The following GALNTL6 variants were observed in gnomAD, a reference collection of about 807,000 sequenced individuals.
GALNTL6 encodes polypeptide N-acetylgalactosaminyltransferase-like 6.
In GALNTL6, 46 loss-of-function variants were observed where a neutral mutation model predicts 73.7. The ratio of observed to expected loss-of-function variants is 0.62; its 90% CI spans 0.49 to 0.80. The LOEUF (loss-of-function observed/expected upper bound fraction) is 0.80. Among genes scored for constraint, GALNTL6 ranks in the 30% least tolerant of loss-of-function variants. The pLI is 0.00. For synonymous variants in GALNTL6, 259 were observed against 263.7 expected (o/e 0.98, Z 0.17); for missense variants, 604 against 755.0 (o/e 0.80, Z 2.34).
chr4:172,857,897 G>A (rs1392294647), intron 7 of GALNTL6, among the ~76,000 whole-genome samples: 1 of 152,144 alleles, frequency 6.6e-6, no homozygotes, highest in Non-Finnish European at 1.5e-5. Flanking sequence ...AGTGTAACTG[G>A]AGACTAATCC....
At chr4:172,899,421 A>G (rs1746504724) in intron 8 of GALNTL6, among the ~76,000 whole-genome samples, 1 of 152,174 alleles carries the variant, frequency 6.6e-6, no homozygotes, top group Non-Finnish European at 1.5e-5. Flanking sequence ...AGGCACTTTT[A>G]AGACCTTTTT....
chr4:172,938,576 A>G (rs1405822620), intron 9 of GALNTL6, among the ~76,000 whole-genome samples: 1 of 152,050 alleles, frequency 6.6e-6, no homozygotes, highest in African/African-American at 2.4e-5. Context: ...GGAAATCTAT[A>G]CTCCCTCAAA....
At chr4:172,374,169 A>T (rs1439163270) in intron 5 of GALNTL6, among the ~76,000 whole-genome samples, 2 of 152,204 alleles carry the variant, frequency 1.3e-5, no homozygotes, top group Admixed American at 1.3e-4. Context: ...TGTAAACCAC[A>T]CTGATAACAA....
chr4:172,602,346 A>G (rs1463993504), intron 5 of GALNTL6, among the ~76,000 whole-genome samples: 1 of 152,136 alleles, frequency 6.6e-6, no homozygotes, highest in Non-Finnish European at 1.5e-5. Flanking sequence ...TCTGTAAAAC[A>G]AAACTTTAAA....
At chr4:172,397,482 C>G (rs1053289738) in intron 5 of GALNTL6, among the ~76,000 whole-genome samples, 11 of 152,102 alleles carry the variant, frequency 7.2e-5, no homozygotes, top group Non-Finnish European at 1.5e-4. Flanking sequence ...TATAACAAAT[C>G]ACTCACCTTA....
At chr4:172,781,563 T>G (rs1739370359) in intron 5 of GALNTL6, among the ~76,000 whole-genome samples, 1 of 152,150 alleles carries the variant, frequency 6.6e-6, no homozygotes, top group South Asian at 2.1e-4. Context: ...CAGGAACACC[T>G]GGAAAATCAG....
At chr4:172,678,923 C>G (rs966112143) in intron 5 of GALNTL6, among the ~76,000 whole-genome samples, 1 of 152,070 alleles carries the variant, frequency 6.6e-6, no homozygotes, top group Non-Finnish European at 1.5e-5. Context: ...TACATTGTAG[C>G]CTTTTTGGAG....
At chr4:172,892,457 T>C (rs1279088694) in intron 8 of GALNTL6, among the ~76,000 whole-genome samples, 1 of 152,008 alleles carries the variant, frequency 6.6e-6, no homozygotes, top group Non-Finnish European at 1.5e-5. Context: ...GTTTCACAGG[T>C]GTTGGGTGTT....
At chr4:172,745,104 GA>G (rs1395831863) in intron 5 of GALNTL6, among the ~76,000 whole-genome samples, 1 of 151,658 alleles carries the variant, frequency 6.6e-6, no homozygotes, top group African/African-American at 2.4e-5. Flanking sequence ...CCTTAAATGA[GA>G]AAAAAGAACA....
At position 172,631,231 on chromosome 4, in the gene GALNTL6, G is replaced by A. The variant is rs541334059; in HGVS notation, c.554-178130G>A. ...ATCTCGGCTCACTGCAACCTCCTCC[G>A]CCTCCCGGGTTCTAGCAATTCTTCT... On this transcript the variant is annotated intron_variant, in intron 5 of 12. Coordinates refer to ENST00000506823, the MANE Select transcript of GALNTL6 (RefSeq NM_001034845.3). Among the ~76,000 whole-genome samples, 149 of 151,314 alleles carry A rather than the reference G, an allele frequency of 9.8e-4. 1 individual carries two copies. In the South Asian group the frequency reaches 0.021, roughly 21 times the overall value.
intron 5 of GALNTL6, among the ~76,000 whole-genome samples, chr4:172,453,433 A>G (rs781733686): frequency 6.6e-6 from 1 of 152,188 alleles, no homozygotes; most frequent in Non-Finnish European, 1.5e-5. Context: ...TCATGCAACT[A>G]ACTCTCTCCT....
chr4:172,052,581 G>A, intron 2 of GALNTL6: 1 of 1,301,736 alleles, frequency 7.7e-7, no homozygotes. Context: ...ACAAGATAGG[G>A]TGGTTCGTCT....
chr4:172,091,876 CA>C (rs1732214864), intron 2 of GALNTL6, among the ~76,000 whole-genome samples: 1 of 152,064 alleles, frequency 6.6e-6, no homozygotes, highest in East Asian at 1.9e-4. Flanking sequence ...ACATTTTAAA[CA>C]AAAAAGTCAT....
intron 7 of GALNTL6, among the ~76,000 whole-genome samples, chr4:172,860,649 T>C (rs1415558751): frequency 6.6e-6 from 1 of 152,094 alleles, no homozygotes; most frequent in Non-Finnish European, 1.5e-5. Context: ...GAAAATAAAC[T>C]CTATCTTACT....
chr4:172,074,494 G>C (rs925358337), intron 2 of GALNTL6, among the ~76,000 whole-genome samples: 5 of 152,092 alleles, frequency 3.3e-5, no homozygotes, highest in Non-Finnish European at 7.4e-5. Flanking sequence ...ATCCACAATT[G>C]CCTTTGTCTG....
intron 2 of GALNTL6, among the ~76,000 whole-genome samples, chr4:171,834,551 G>A (rs1205839697): frequency 1.3e-5 from 2 of 151,894 alleles, no homozygotes; most frequent in Admixed American, 1.3e-4. Flanking sequence ...GCATGATGTA[G>A]GGTTTTCTTT....
At chr4:172,462,993 C>CATATCCA (rs1732671385) in intron 5 of GALNTL6, among the ~76,000 whole-genome samples, 1 of 152,098 alleles carries the variant, frequency 6.6e-6, no homozygotes, top group African/African-American at 2.4e-5. Flanking sequence ...ACAAGGACTG[C>CATATCCA]CTAAACACAC....
At chr4:172,097,648 A>T (rs534418479) in intron 2 of GALNTL6, among the ~76,000 whole-genome samples, 1 of 152,342 alleles carries the variant, frequency 6.6e-6, no homozygotes, top group South Asian at 2.1e-4. Context: ...TGGCAGAGCA[A>T]AAAAGGAGCT....
chr4:172,047,317 C>T (rs780316996), intron 2 of GALNTL6, among the ~76,000 whole-genome samples: 3 of 151,982 alleles, frequency 2.0e-5, no homozygotes, highest in Non-Finnish European at 2.9e-5. Context: ...ATATATGCTA[C>T]GGAAGTATAC....
Sources: allele counts gnomAD v4.1 joint callset (sites outside exome capture counted in the v4.1 genomes callset), GRCh38; gene constraint gnomAD v4.1.1; transcripts MANE v1.5; gene names NCBI Gene and HGNC (gene_info 2026-07-23, HGNC 2026-07-21).